The following AUTS2 variants were observed in gnomAD, a reference collection of about 807,000 sequenced individuals.
AUTS2 encodes the protein activator of transcription and developmental regulator AUTS2.
Under a neutral mutation model 112.4 loss-of-function variants are expected in AUTS2, and 17 were observed. That is an observed-to-expected ratio of 0.15 (90% CI 0.10 to 0.23). AUTS2 has a LOEUF of 0.23. AUTS2 is among the 10% of genes least tolerant of loss of function. AUTS2 has a pLI of 1.00. For synonymous variants in AUTS2, 751 were observed against 702.7 expected, an observed-to-expected ratio of 1.07 and a Z score of -1.09; for missense variants, 1,510 against 1,701.6, an observed-to-expected ratio of 0.89 and a Z score of 1.98.
chr7:69,783,088 CTTTTTTT>C (rs398047755), intron 1 of AUTS2, among the ~76,000 whole-genome samples: 2,519 of 85,220 alleles, frequency 0.03, 82 homozygotes, highest in African/African-American at 0.096. Context: ...TGCTGCTCAT[CTTTTTTT>C]TTTTTTTTTT....
chr7:70,673,102 T>C (rs1585481749), intron 5 of AUTS2, among the ~76,000 whole-genome samples: 1 of 152,200 alleles, frequency 6.6e-6, no homozygotes, highest in Non-Finnish European at 1.5e-5. Context: ...GGCTGGCTGG[T>C]AACACAAATC....
At chr7:70,616,538 T>C (rs1388681023) in intron 5 of AUTS2, among the ~76,000 whole-genome samples, 1 of 152,168 alleles carries the variant, frequency 6.6e-6, no homozygotes, top group African/African-American at 2.4e-5. Flanking sequence ...TATCTGATGC[T>C]CCAAGCTCCA....
intron 5 of AUTS2, among the ~76,000 whole-genome samples, chr7:70,527,369 C>T (rs1239470205): frequency 6.6e-6 from 1 of 152,020 alleles, no homozygotes; most frequent in Non-Finnish European, 1.5e-5. Context: ...GGGGTTGAAC[C>T]CCTGCCCATC....
rs79439950 is a variant in AUTS2, at chr7:70,392,115, A to G, written c.661-43637A>G. On this transcript the variant is annotated intron_variant, in intron 4 of 18. Coordinates refer to ENST00000342771, the MANE Select transcript of AUTS2 (RefSeq NM_015570.4). ...ATAGTATGCTATGCTAACCATGTTA[A>G]AAAGCTTATTCTCATAGCTTTGCAA... Among the ~76,000 whole-genome samples the G allele has an allele frequency of 3.6e-3, 555 of 152,326 alleles. 4 individuals are homozygous for G. The highest frequency in any genetic ancestry group is 0.013 in the African/African-American group (534 of 41,582).
chr7:69,627,023 A>G (rs767190484), intron 1 of AUTS2, among the ~76,000 whole-genome samples: 1 of 152,256 alleles, frequency 6.6e-6, no homozygotes, highest in Non-Finnish European at 1.5e-5. Flanking sequence ...AAGAAATAGA[A>G]ATAAAACAGT....
chr7:70,270,040 A>G lies in AUTS2; in HGVS notation c.660+135469A>G, dbSNP rs376955769. 1.7e-4 allele frequency among the ~76,000 whole-genome samples: 26 copies of G among 151,040 alleles called. No individual in the cohort carries two copies. The East Asian group carries it at 5.0e-3, about 29-fold the overall frequency. On this transcript the variant is annotated intron_variant, in intron 4 of 18. Transcript: ENST00000342771. ...GGTGACAGAGCGGGACCTTGTCTCA[A>G]AAAAAACAAACAAAAACAGAATTGG...
intron 2 of AUTS2, among the ~76,000 whole-genome samples, chr7:70,106,577 G>A (rs1008294048): frequency 1.3e-5 from 2 of 152,030 alleles, no homozygotes; most frequent in Non-Finnish European, 2.9e-5. Flanking sequence ...GAAATTAGCC[G>A]GGCATGGTAG....
At chr7:70,290,142 G>C (rs1377798720) in intron 4 of AUTS2, among the ~76,000 whole-genome samples, 4 of 152,160 alleles carry the variant, frequency 2.6e-5, no homozygotes, top group Admixed American at 6.5e-5. Context: ...TGGATCACAA[G>C]AGATTTCTCA....
chr7:70,101,274 A>G lies in AUTS2; in HGVS notation c.523-16858A>G, dbSNP rs575917090. Among the ~76,000 whole-genome samples, 11 of 151,740 alleles carry G rather than the reference A, an allele frequency of 7.2e-5. No individual in the cohort carries two copies. In the East Asian group the frequency reaches 1.9e-3, roughly 27 times the overall value. On this transcript the variant is annotated intron_variant, in intron 2 of 18. Coordinates refer to ENST00000342771, the MANE Select transcript of AUTS2 (RefSeq NM_015570.4). The stretch of plus-strand genomic sequence containing the variant: ...TTGTATAATGATTGCTTAATTGCTA[A>G]TTTTCTTATGCTAATTGATGTTTTT...
chr7:70,432,701 C>T (rs1339856701), intron 4 of AUTS2, among the ~76,000 whole-genome samples: 2 of 152,170 alleles, frequency 1.3e-5, no homozygotes, highest in Non-Finnish European at 2.9e-5. Context: ...TTGCTGAGTG[C>T]ATTTATTGGC....
chr7:70,584,228 C>T (rs1316618765), intron 5 of AUTS2, among the ~76,000 whole-genome samples: 3 of 152,174 alleles, frequency 2.0e-5, no homozygotes, highest in South Asian at 2.1e-4. Flanking sequence ...AAATCAAAAG[C>T]GTCCAGTCTG....
At chr7:69,698,930 T>G (rs1797678173) in intron 1 of AUTS2, among the ~76,000 whole-genome samples, 1 of 152,138 alleles carries the variant, frequency 6.6e-6, no homozygotes, top group Non-Finnish European at 1.5e-5. Flanking sequence ...TAAGATAGAT[T>G]TCCCAATGTC....
chr7:70,459,710 C>T (rs1020296419), intron 5 of AUTS2, among the ~76,000 whole-genome samples: 1 of 152,176 alleles, frequency 6.6e-6, no homozygotes, highest in Admixed American at 6.5e-5. Context: ...AAAGCAGTGC[C>T]TCAGGCTTCT....
At chr7:70,634,877 A>T (rs1334033757) in intron 5 of AUTS2, among the ~76,000 whole-genome samples, 1 of 152,190 alleles carries the variant, frequency 6.6e-6, no homozygotes, top group Non-Finnish European at 1.5e-5. Flanking sequence ...AGCTCTCTAG[A>T]CATTCTTGGT....
intron 1 of AUTS2, among the ~76,000 whole-genome samples, chr7:69,740,523 C>CTTTTTTTTTTTTTTTTTTTTTT (rs11433491): frequency 6.7e-6 from 1 of 150,192 alleles, no homozygotes. Flanking sequence ...TCAGAAATGT[C>CTTTTTTTTTTTTTTTTTTTTTT]TTTTTTTTTT....
chr7:69,768,941 C>G (rs2129295523), intron 1 of AUTS2, among the ~76,000 whole-genome samples: 1 of 152,240 alleles, frequency 6.6e-6, no homozygotes, highest in East Asian at 1.9e-4. Flanking sequence ...CTTGGGGTGT[C>G]CAAACCATGA....
rs1257903591 is a variant in AUTS2 at position 69,876,514 on chromosome 7, A to G, written c.310-22772A>G. On this transcript the variant is annotated intron_variant, in intron 1 of 18. Coordinates refer to ENST00000342771, the MANE Select transcript of AUTS2 (RefSeq NM_015570.4). ...TATATATATATATATATATATATAT[A>G]TATATATATATATATATATATATAT... Among the ~76,000 whole-genome samples, 268 of 68,266 alleles carry G rather than the reference A, an allele frequency of 3.9e-3. 18 individuals are homozygous for G. Among genetic ancestry groups the G allele is most frequent in the African/African-American group, 0.011 (109 of 9,680 alleles). The allele number at this position is 68,266 out of a possible 152,430, so 44.8% of individuals were successfully genotyped here.
intron 2 of AUTS2, among the ~76,000 whole-genome samples, chr7:70,090,277 C>T (rs968674661): frequency 6.6e-6 from 1 of 151,918 alleles, no homozygotes; most frequent in Non-Finnish European, 1.5e-5. Flanking sequence ...TCACACAATT[C>T]TACTTTTATA....
Position 69,829,211 on chromosome 7 carries a change from C to T in AUTS2, c.310-70075C>T, listed in dbSNP as rs577801095. On this transcript the variant is annotated intron_variant, in intron 1 of 18. Coordinates refer to ENST00000342771, the MANE Select transcript of AUTS2 (RefSeq NM_015570.4). ...CATAGGCAGAAAACTGAAACTGAAC[C>T]CTTTCCTTACACTTTATATAAAAAT... 4.4e-3 allele frequency among the ~76,000 whole-genome samples: 672 copies of T among 152,170 alleles called. 5 individuals are homozygous for T. Among genetic ancestry groups the T allele is most frequent in the Non-Finnish European group, 7.4e-3 (501 of 68,000 alleles).
Sources: gnomAD v4.1 joint callset for allele counts (sites outside exome capture counted in the v4.1 genomes callset) on GRCh38, gnomAD v4.1.1 for gene constraint, MANE v1.5 for transcripts, NCBI Gene and HGNC (gene_info 2026-07-23, HGNC 2026-07-21) for gene names.